The following THADA variants were observed in gnomAD, a reference collection of about 807,000 sequenced individuals.
THADA encodes tRNA (32-2'-O)-methyltransferase regulator THADA.
In THADA, 213 loss-of-function variants were observed where a neutral mutation model predicts 219.8. The observed-to-expected ratio is 0.97, with a 90% CI of 0.87 to 1.09. THADA has a LOEUF of 1.09. Ranked by LOEUF, THADA falls within the 50% of genes least tolerant of loss-of-function variation. The probability of loss-of-function intolerance (pLI) is 0.00; values close to 1 mark genes in which losing one functional copy is unlikely to be tolerated. For synonymous variants in THADA, 1,018 were observed against 828.9 expected (o/e 1.23, Z -3.92); for missense variants, 2,956 against 2,311.3 (o/e 1.28, Z -5.72).
chr2:43,442,847 T>C (rs536014028), intron 26 of THADA, among the ~76,000 whole-genome samples: 3 of 152,296 alleles, frequency 2.0e-5, no homozygotes, highest in South Asian at 4.1e-4. Flanking sequence ...CTCTACCCTC[T>C]AGATTGTGGC....
chr2:43,520,702 GTATATA>G (rs377737093), intron 22 of THADA, among the ~76,000 whole-genome samples: 1 of 136,508 alleles, frequency 7.3e-6, no homozygotes, highest in South Asian at 2.5e-4. Context: ...ATATTTATAC[GTATATA>G]TATATACACA....
At chr2:43,413,754 T>C (rs930593177) in intron 28 of THADA, among the ~76,000 whole-genome samples, 21 of 152,248 alleles carry the variant, frequency 1.4e-4, no homozygotes, top group Admixed American at 6.5e-5. Context: ...GGTCTCTTCA[T>C]CTTCTTCTGT....
chr2:43,347,749 A>G (rs527833436), intron 29 of THADA, among the ~76,000 whole-genome samples: 2 of 152,288 alleles, frequency 1.3e-5, no homozygotes, highest in African/African-American at 4.8e-5. Context: ...TTTTAAAAAT[A>G]TTGGTACTAC....
At chr2:43,576,630 T>C (rs1235103027) in intron 10 of THADA, among the ~76,000 whole-genome samples, 1 of 152,224 alleles carries the variant, frequency 6.6e-6, no homozygotes, top group African/African-American at 2.4e-5. Flanking sequence ...AAATGTTCTT[T>C]ACAGGCTAAC....
intron 21 of THADA, among the ~76,000 whole-genome samples, chr2:43,534,232 A>C (rs1694260706): frequency 6.6e-6 from 1 of 152,196 alleles, no homozygotes; most frequent in Non-Finnish European, 1.5e-5. Context: ...TATGGGGTAC[A>C]CAGTAATGTT....
chr2:43,286,945 A>G lies in THADA; in HGVS notation c.5127T>C (p.Thr1709=). 1 of 1,613,922 alleles carries G rather than the reference A, an allele frequency of 6.2e-7. No homozygotes were observed. The highest frequency in any genetic ancestry group is 1.7e-5 in the Admixed American group (1 of 60,014). The change falls in exon 35 of 38, where the codon ACT becomes ACC. Residue 1709 remains threonine, a synonymous_variant. Coordinates refer to ENST00000405975, the MANE Select transcript of THADA (RefSeq NM_022065.5). ...GGGGGTTGGTGAGGAAAAGTGGTGTAGTACTGGTGAGGACTTCAACGACGG... is the reference window on the plus strand; with the variant it reads ...GGGGGTTGGTGAGGAAAAGTGGTGTGGTACTGGTGAGGACTTCAACGACGG... ...RLAVVEVLTS[T]TPLFLTNPHP... is the part of the protein sequence containing the mutation.
intron 31 of THADA, among the ~76,000 whole-genome samples, chr2:43,296,222 G>C (rs920011390): frequency 2.0e-5 from 3 of 150,992 alleles, no homozygotes; most frequent in Non-Finnish European, 4.4e-5. Context: ...CGGCCATACC[G>C]CTACTCTTAA....
chr2:43,366,083 C>T (rs1019871066), intron 29 of THADA, among the ~76,000 whole-genome samples: 1 of 152,154 alleles, frequency 6.6e-6, no homozygotes, highest in Non-Finnish European at 1.5e-5. Context: ...TGTGTCACCA[C>T]TAAACAGTGG....
intron 21 of THADA, among the ~76,000 whole-genome samples, chr2:43,537,833 T>C (rs1385675683): frequency 6.6e-6 from 1 of 150,782 alleles, no homozygotes; most frequent in Non-Finnish European, 1.5e-5. Context: ...AGCACACACC[T>C]ATAGTCCCAA....
At chr2:43,416,938 G>C (rs185587658) in intron 28 of THADA, among the ~76,000 whole-genome samples, 1 of 151,426 alleles carries the variant, frequency 6.6e-6, no homozygotes, top group Admixed American at 6.6e-5. Context: ...CACAGATTTA[G>C]ATTTCCTTTT....
intron 29 of THADA, among the ~76,000 whole-genome samples, chr2:43,390,254 G>C (rs182521690): frequency 2.0e-5 from 3 of 152,260 alleles, no homozygotes; most frequent in Admixed American, 2.0e-4. Flanking sequence ...TCTATAGTAT[G>C]ACCACCTCGC....
At chr2:43,325,820 A>G (rs1679258416) in intron 30 of THADA, among the ~76,000 whole-genome samples, 1 of 152,262 alleles carries the variant, frequency 6.6e-6, no homozygotes, top group South Asian at 2.1e-4. Context: ...TAAGATTTAA[A>G]TAACCATTAA....
intron 29 of THADA, among the ~76,000 whole-genome samples, chr2:43,358,460 C>A (rs1183127341): frequency 6.6e-6 from 1 of 152,122 alleles, no homozygotes; most frequent in Non-Finnish European, 1.5e-5. Context: ...CCACTGGGGG[C>A]AGAGAAGGCT....
intron 7 of THADA, among the ~76,000 whole-genome samples, chr2:43,583,234 G>A (rs954507099): frequency 1.3e-5 from 2 of 152,154 alleles, no homozygotes; most frequent in African/African-American, 4.8e-5. Context: ...TGTACCTGCT[G>A]CATCTTTATC....
rs575075353 is a variant in THADA at position 43,294,289 on chromosome 2, T to C, written c.4439-1076A>G. The stretch of plus-strand genomic sequence containing the variant: ...AAGATCACTGCCCTTAAGGAGTTTA[T>C]AGTCAGTCTAGTTTGAGAAAGAGAA... On this transcript the variant is annotated intron_variant, in intron 31 of 37. Coordinates refer to ENST00000405975, the MANE Select transcript of THADA (RefSeq NM_022065.5). Among the ~76,000 whole-genome samples the C allele has an allele frequency of 2.6e-5, 4 of 152,344 alleles. No individual in the cohort carries two copies. In the South Asian group the frequency reaches 6.2e-4, roughly 24 times the overall value.
intron 36 of THADA, among the ~76,000 whole-genome samples, chr2:43,272,434 G>C (rs1672233871): frequency 6.6e-6 from 1 of 152,174 alleles, no homozygotes; most frequent in African/African-American, 2.4e-5. Flanking sequence ...GCTTGGACTA[G>C]CACATGAAAC....
At chr2:43,554,296 G>A (rs1697095985) in intron 17 of THADA, among the ~76,000 whole-genome samples, 1 of 152,116 alleles carries the variant, frequency 6.6e-6, no homozygotes, top group Non-Finnish European at 1.5e-5. Flanking sequence ...ATGGCATAAG[G>A]TAGTGAATCT....
chr2:43,397,314 T>C (rs1674188922), intron 29 of THADA, among the ~76,000 whole-genome samples: 2 of 152,180 alleles, frequency 1.3e-5, no homozygotes, highest in African/African-American at 4.8e-5. Flanking sequence ...TAGCAGCCAT[T>C]TGAACAGGAG....
chr2:43,574,859 A>G lies in THADA; in HGVS notation c.1206T>C (p.His402=), dbSNP rs1234339244. Reference sequence around the variant, plus strand: ...TTTGGTGTCTCAGAGCATCCAATGGATGTTCCCAATGGGTATAGACATATT... The same window carrying G: ...TTTGGTGTCTCAGAGCATCCAATGGGTGTTCCCAATGGGTATAGACATATT... ...LLEYVYTHWE[H]PLDALRHQTK... Residue 402 remains histidine, a synonymous_variant, in exon 11 of 38, where the codon CAT becomes CAC. Coordinates refer to ENST00000405975, the MANE Select transcript of THADA (RefSeq NM_022065.5). 1 of 1,613,882 alleles carries G rather than the reference A, an allele frequency of 6.2e-7. No individual in the cohort carries two copies. The highest frequency in any genetic ancestry group is 1.3e-5 in the African/African-American group (1 of 74,918).
Sources: gnomAD v4.1 joint callset for allele counts (sites outside exome capture counted in the v4.1 genomes callset) on GRCh38, gnomAD v4.1.1 for gene constraint, MANE v1.5 for transcripts, NCBI Gene and HGNC (gene_info 2026-07-23, HGNC 2026-07-21) for gene names.